The following ANKFN1 variants were observed in gnomAD, a reference collection of about 807,000 sequenced individuals.
ANKFN1 encodes ankyrin repeat and fibronectin type-III domain-containing protein 1.
ANKFN1 carries 74 observed loss-of-function variants against 108.7 expected under a neutral mutation model. The observed-to-expected ratio is 0.68, with a 90% CI of 0.56 to 0.83. The LOEUF (loss-of-function observed/expected upper bound fraction) is 0.83. Among genes scored for constraint, ANKFN1 ranks in the 40% least tolerant of loss-of-function variants. The pLI, the probability that ANKFN1 is intolerant of heterozygous loss-of-function variation, is 0.00. For missense variants in ANKFN1, 1,505 were observed against 1,382.3 expected, an observed-to-expected ratio of 1.09 and a Z score of -1.41; for synonymous variants, 547 against 516.2, an observed-to-expected ratio of 1.06 and a Z score of -0.81.
chr17:56,090,708 G>A (rs1182312039), intron 4 of ANKFN1, among the ~76,000 whole-genome samples: 1 of 150,970 alleles, frequency 6.6e-6, no homozygotes, highest in Non-Finnish European at 1.5e-5. Context: ...CCAAGCGCAA[G>A]TGGTCCTCAC....
At chr17:56,306,449 C>T (rs1036764277) in intron 3 of ANKFN1, among the ~76,000 whole-genome samples, 1 of 152,056 alleles carries the variant, frequency 6.6e-6, no homozygotes. Flanking sequence ...AAACAGAGAG[C>T]CAAATCATGA....
chr17:56,430,911 C>A (rs1196841664), intron 8 of ANKFN1, among the ~76,000 whole-genome samples: 1 of 152,046 alleles, frequency 6.6e-6, no homozygotes, highest in African/African-American at 2.4e-5. Flanking sequence ...GAGAAGGGTT[C>A]CATGTAGAAC....
chr17:56,407,931 C>CTTTTTTTTTTTTT (rs761975892), intron 8 of ANKFN1, among the ~76,000 whole-genome samples: 1 of 104,620 alleles, frequency 9.6e-6, no homozygotes, highest in Non-Finnish European at 1.9e-5. Flanking sequence ...TCTTTTTTAT[C>CTTTTTTTTTTTTT]TTTTTTTTTT....
chr17:56,399,847 ATATATAT>A (rs1567973014), intron 8 of ANKFN1, among the ~76,000 whole-genome samples: 22 of 8,884 alleles, frequency 2.5e-3, no homozygotes, highest in South Asian at 0.01. Context: ...CATTTTTTAT[ATATATAT>A]ATATATATAT....
intron 4 of ANKFN1, among the ~76,000 whole-genome samples, chr17:56,062,725 G>C (rs1904996352): frequency 6.6e-6 from 1 of 151,968 alleles, no homozygotes; most frequent in Non-Finnish European, 1.5e-5. Flanking sequence ...GGGGCATTTA[G>C]CCCATTTACA....
intron 20 of ANKFN1, among the ~76,000 whole-genome samples, chr17:56,510,114 CAT>C (rs1255172129): frequency 6.6e-6 from 1 of 152,188 alleles, no homozygotes; most frequent in Non-Finnish European, 1.5e-5. Flanking sequence ...AAATGAATAA[CAT>C]TTAGCTTTCT....
At chr17:56,503,097 C>T (rs2051426999) in intron 20 of ANKFN1, among the ~76,000 whole-genome samples, 1 of 151,262 alleles carries the variant, frequency 6.6e-6, no homozygotes, top group South Asian at 2.1e-4. Flanking sequence ...TTCTCTCCCG[C>T]TCCTTTTCTG....
intron 4 of ANKFN1, among the ~76,000 whole-genome samples, chr17:56,100,821 G>T (rs1286904923): frequency 6.6e-6 from 1 of 152,246 alleles, no homozygotes; most frequent in East Asian, 1.9e-4. Context: ...GTCCTTTGGG[G>T]TTCCCCCAAA....
chr17:56,247,071 A>T (rs1435608446), intron 3 of ANKFN1, among the ~76,000 whole-genome samples: 2 of 152,216 alleles, frequency 1.3e-5, no homozygotes, highest in East Asian at 3.8e-4. Flanking sequence ...GCTTATTACT[A>T]GAATCCTATC....
At chr17:56,049,299 A>G (rs1347613306) in intron 4 of ANKFN1, among the ~76,000 whole-genome samples, 5 of 152,248 alleles carry the variant, frequency 3.3e-5, no homozygotes, top group Non-Finnish European at 7.3e-5. Flanking sequence ...ACAGCAGCTC[A>G]GCATGCATTT....
At chr17:56,448,975 G>A in intron 10 of ANKFN1, 104 bp from the exon 11 acceptor site, 1 of 877,154 alleles carries the variant, frequency 1.1e-6, no homozygotes, top group Admixed American at 2.1e-5. Context: ...CTCATCCGCA[G>A]AGACTGTGGG....
rs1045230406 is a variant in ANKFN1, at chr17:56,498,929, A to T, written c.2475A>T (p.Leu825=). The T allele has an allele frequency of 2.0e-6, 3 of 1,535,738 alleles. No individual in the cohort carries two copies. Among genetic ancestry groups the T allele is most frequent in the Non-Finnish European group, 2.6e-6 (3 of 1,146,608 alleles). Residue 825 remains leucine, a synonymous_variant, in exon 20 of 21, where the codon CTA becomes CTT. Coordinates refer to ENST00000682825, the MANE Select transcript of ANKFN1 (RefSeq NM_001370326.1). Reference sequence around the variant, plus strand: ...AAATGAGATGGATCATGGATGCTCTACAGTATGCAAGATACAAACAACCAG... The same window carrying T: ...AAATGAGATGGATCATGGATGCTCTTCAGTATGCAAGATACAAACAACCAG... ...WREMRWIMDA[L]QYARYKQPVS...
Position 56,514,518 on chromosome 17 carries a change from T to A in ANKFN1, c.*3249T>A, listed in dbSNP as rs1459557041. 6.6e-6 allele frequency among the ~76,000 whole-genome samples: 1 copy of A among 152,190 alleles called. No individual in the cohort carries two copies. On this transcript the variant is annotated 3_prime_UTR_variant, in exon 21 of 21. Coordinates refer to ENST00000682825, the MANE Select transcript of ANKFN1 (RefSeq NM_001370326.1). ...ATGGAAGTATATGTTTGGCAACTAC[T>A]TAACAAAGCTAAAACATCCTCTTAA...
At chr17:56,364,459 A>G (rs993887279) in intron 6 of ANKFN1, among the ~76,000 whole-genome samples, 1 of 152,248 alleles carries the variant, frequency 6.6e-6, no homozygotes, top group African/African-American at 2.4e-5. Flanking sequence ...CATTACTAGG[A>G]AATTTTAAAT....
chr17:56,083,666 G>A (rs1567783514), intron 4 of ANKFN1, among the ~76,000 whole-genome samples: 3 of 151,384 alleles, frequency 2.0e-5, no homozygotes, highest in Non-Finnish European at 4.4e-5. Context: ...TAAGCAAAAA[G>A]TGGAGCTGTC....
rs1354183238 is a variant in ANKFN1, at chr17:56,246,449, C to A, written c.53+18492C>A. Among the ~76,000 whole-genome samples, 3 of 152,146 alleles carry A rather than the reference C, an allele frequency of 2.0e-5. No individual in the cohort carries two copies. In the East Asian group the frequency reaches 5.8e-4, roughly 29 times the overall value. ...ATTAGCCATTGACCCGCTTTTGTAA[C>A]TAAAGTTAATGGCTACAGCTCAGGC... is the stretch of plus-strand genomic sequence containing the variant. On this transcript the variant is annotated intron_variant, in intron 3 of 20. Coordinates refer to ENST00000682825, the MANE Select transcript of ANKFN1 (RefSeq NM_001370326.1).
Position 56,465,207 on chromosome 17 carries a change from A to G in ANKFN1, c.1558-1149A>G, listed in dbSNP as rs2050034362. ...CCACTTCTCTATGATTTAGAAGTCA[A>G]ATATTGGAAAGAAAAAATATGACTG... On this transcript the variant is annotated intron_variant, in intron 14 of 20. Coordinates refer to ENST00000682825, the MANE Select transcript of ANKFN1 (RefSeq NM_001370326.1). Among the ~76,000 whole-genome samples, 5 of 152,352 alleles carry G rather than the reference A, an allele frequency of 3.3e-5. No individual in the cohort carries two copies. The South Asian group carries it at 1.0e-3, about 32-fold the overall frequency.
intron 3 of ANKFN1, among the ~76,000 whole-genome samples, chr17:56,235,114 CT>C (rs1445770840): frequency 6.6e-6 from 1 of 152,130 alleles, no homozygotes; most frequent in African/African-American, 2.4e-5. Context: ...TGATATTTGA[CT>C]TTTTTTCATA....
intron 3 of ANKFN1, among the ~76,000 whole-genome samples, chr17:56,285,671 T>G (rs187347211): frequency 1.3e-5 from 2 of 152,308 alleles, no homozygotes; most frequent in Non-Finnish European, 2.9e-5. Context: ...CCATAACTGT[T>G]GCAAACACAG....
Sources: gnomAD v4.1 joint callset for allele counts (sites outside exome capture counted in the v4.1 genomes callset) on GRCh38, gnomAD v4.1.1 for gene constraint, MANE v1.5 for transcripts, NCBI Gene and HGNC (gene_info 2026-07-23, HGNC 2026-07-21) for gene names.